Variants in IKZF2 observed in about 807,000 individuals in gnomAD.
IKZF2 encodes the protein zinc finger protein Helios.
Under a neutral mutation model 49.2 loss-of-function variants are expected in IKZF2, and 15 were observed. The observed-to-expected ratio is 0.30, with a 90% CI of 0.20 to 0.47. The LOEUF is 0.47. IKZF2 is among the 20% of genes least tolerant of loss of function. IKZF2 has a pLI of 1.00. For missense variants in IKZF2, 567 were observed against 664.6 expected (o/e 0.85, Z 1.61); for synonymous variants, 227 against 221.4 (o/e 1.03, Z -0.23).
Position 213,000,347 on chromosome 2 carries a change from T to C in IKZF2, c.*7013A>G, listed in dbSNP as rs1339474836. The C allele has an allele frequency of 6.7e-6, 1 of 148,904 alleles. No homozygotes were observed. The highest frequency in any genetic ancestry group is 2.4e-5 in the African/African-American group (1 of 40,820). 9.2% of individuals were successfully genotyped at this position (148,904 alleles called of 1,614,324 possible). A position where few individuals can be genotyped will look rare whatever the true frequency, so the allele number is the denominator to read the frequency against. On this transcript the variant is annotated 3_prime_UTR_variant, in exon 9 of 9. Coordinates refer to ENST00000434687, the MANE Select transcript of IKZF2 (RefSeq NM_001387220.1). ...AAATGAGGTTTACTGGTTTGACCTA[T>C]TTTTTTTTCTTTTTTTGCTTCTAAA...
chr2:213,039,765 C>T (rs1164404684), intron 6 of IKZF2, among the ~76,000 whole-genome samples: 1 of 151,876 alleles, frequency 6.6e-6, no homozygotes, highest in African/African-American at 2.4e-5. Flanking sequence ...AATGCTGGTT[C>T]AATTGAAAGC....
chr2:213,096,146 G>A (rs745911854), intron 4 of IKZF2, among the ~76,000 whole-genome samples: 2 of 151,896 alleles, frequency 1.3e-5, no homozygotes, highest in Non-Finnish European at 2.9e-5. Flanking sequence ...GATCAAGAGA[G>A]CATCATACTC....
At chr2:213,150,578 A>AG (rs1288837008) in intron 1 of IKZF2, among the ~76,000 whole-genome samples, 27 of 151,536 alleles carry the variant, frequency 1.8e-4, no homozygotes, top group Admixed American at 1.7e-3. Flanking sequence ...TTCAGGAAAG[A>AG]GGAAAAAAAA....
intron 4 of IKZF2, among the ~76,000 whole-genome samples, chr2:213,114,377 CA>C (rs2059804956): frequency 6.6e-6 from 1 of 151,998 alleles, no homozygotes; most frequent in Admixed American, 6.6e-5. Context: ...TTAAAAAGAC[CA>C]AGTTTTTTCT....
chr2:213,056,854 C>A lies in IKZF2; in HGVS notation c.385G>T (p.Val129Leu). 1 of 1,613,772 alleles carries A rather than the reference C, an allele frequency of 6.2e-7. No homozygotes were observed. The highest frequency in any genetic ancestry group is 8.5e-7 in the Non-Finnish European group (1 of 1,179,834). ...TTACCAGTGTGACTCCTTTTATGTA[C>A]CATAAGCACATTGGGCCCAATGCAA... is the stretch of plus-strand genomic sequence containing the variant. ...MVCIGPNVLM[V>L]HKRSHTGERP... Residue 129 changes from valine to leucine, a missense_variant, in exon 5 of 9, where the codon GTA becomes TTA. Coordinates refer to ENST00000434687, the MANE Select transcript of IKZF2 (RefSeq NM_001387220.1).
chr2:213,150,086 C>A (rs1028874165), intron 2 of IKZF2, 58 bp downstream of exon 2: 2 of 1,014,424 alleles, frequency 2.0e-6, no homozygotes, highest in Non-Finnish European at 2.7e-6. Context: ...GGTTATTAAC[C>A]CTCAGAGAAG....
intron 6 of IKZF2, among the ~76,000 whole-genome samples, chr2:213,023,433 TG>T (rs1369055712): frequency 6.6e-6 from 1 of 152,224 alleles, no homozygotes; most frequent in Non-Finnish European, 1.5e-5. Context: ...AAGTTATTTA[TG>T]GAGTGATTAT....
At chr2:213,149,568 G>A (rs1387789416) in intron 2 of IKZF2, among the ~76,000 whole-genome samples, 1 of 151,866 alleles carries the variant, frequency 6.6e-6, no homozygotes, top group African/African-American at 2.4e-5. Flanking sequence ...CTTTGGCCTT[G>A]GTCCTTTTTG....
rs140097901 is a variant in IKZF2 at position 213,099,385 on chromosome 2, G to A, written c.140-42286C>T. 3.1e-3 allele frequency among the ~76,000 whole-genome samples: 478 copies of A among 152,132 alleles called. 3 individuals carry two copies. The highest frequency in any genetic ancestry group is 0.011 in the African/African-American group (443 of 41,520). On this transcript the variant is annotated intron_variant, in intron 4 of 8. Coordinates refer to ENST00000434687, the MANE Select transcript of IKZF2 (RefSeq NM_001387220.1). ...ATCTCATCTGCTTTTTTTGAAAAGG[G>A]ATTCTTTCTTATAAGCTGTATCAAG...
In IKZF2 at chr2:213,005,857, T is replaced by C. The variant is rs1695299061; in HGVS notation, c.*1503A>G. 6.6e-6 allele frequency: 1 copy of C among 152,034 alleles called. No homozygotes were observed. Among genetic ancestry groups the C allele is most frequent in the African/African-American group, 2.4e-5 (1 of 41,424 alleles). The allele number at this position is 152,034 out of a possible 1,614,324, so 9.4% of individuals were successfully genotyped here. On this transcript the variant is annotated 3_prime_UTR_variant, in exon 9 of 9. Transcript: ENST00000434687. Reference sequence around the variant, plus strand: ...TCTGCACATGAAATATGGCAACCTATACCATGTAAGGGGAATTCTATACTA... The same window carrying C: ...TCTGCACATGAAATATGGCAACCTACACCATGTAAGGGGAATTCTATACTA...
chr2:213,111,024 C>T (rs931816238), intron 4 of IKZF2, among the ~76,000 whole-genome samples: 5 of 151,834 alleles, frequency 3.3e-5, no homozygotes, highest in African/African-American at 9.7e-5. Context: ...AGAGATTAAC[C>T]GTTTAAGTCA....
rs577693359 is a variant in IKZF2 at position 213,147,291 on chromosome 2, T to C, written c.139+417A>G. On this transcript the variant is annotated intron_variant, in intron 4 of 8. Transcript: ENST00000434687. The stretch of plus-strand genomic sequence containing the variant: ...CACATTTTTTAAAAGCAAGTAACAC[T>C]GTAATTTTATCACTGACGGTTTAGC... 9 of 323,782 alleles carry C rather than the reference T, an allele frequency of 2.8e-5. No individual in the cohort carries two copies. In the Admixed American group the frequency reaches 4.0e-4, roughly 14 times the overall value. The allele number at this position is 323,782 out of a possible 1,614,324, so 20.1% of individuals were successfully genotyped here. A position where few individuals can be genotyped will look rare whatever the true frequency, so the allele number is the denominator to read the frequency against.
rs1376786863 is a variant in IKZF2 at position 213,000,704 on chromosome 2, G to C, written c.*6656C>G. 2 of 151,700 alleles carry C rather than the reference G, an allele frequency of 1.3e-5. No individual in the cohort carries two copies. The highest frequency in any genetic ancestry group is 4.8e-5 in the African/African-American group (2 of 41,288). The allele number at this position is 151,700 out of a possible 1,614,324, so 9.4% of individuals were successfully genotyped here. On this transcript the variant is annotated 3_prime_UTR_variant, in exon 9 of 9. Transcript: ENST00000434687. The stretch of plus-strand genomic sequence containing the variant: ...TTTTTAAAAAAAATTTCTCCAATAG[G>C]TGATATGTAAGTGTTTAAAACTCAG...
chr2:213,142,663 C>G (rs1420667205), intron 4 of IKZF2, among the ~76,000 whole-genome samples: 1 of 151,932 alleles, frequency 6.6e-6, no homozygotes, highest in Admixed American at 6.6e-5. Flanking sequence ...CAAGGTCACA[C>G]AGCAAAGCAG....
chr2:213,086,018 G>C (rs1210198917), intron 4 of IKZF2, among the ~76,000 whole-genome samples: 2 of 152,070 alleles, frequency 1.3e-5, no homozygotes, highest in Non-Finnish European at 2.9e-5. Context: ...AAGAATAATT[G>C]CTAACCCAAA....
Position 213,096,439 on chromosome 2 carries a change from T to C in IKZF2, c.140-39340A>G, listed in dbSNP as rs534569833. ...TAGCATGTTTCTTTTCAAAAAAATT[T>C]GAGATTTTATCTATCGATAAACAGA... On this transcript the variant is annotated intron_variant, in intron 4 of 8. Coordinates refer to ENST00000434687, the MANE Select transcript of IKZF2 (RefSeq NM_001387220.1). 8.6e-5 allele frequency among the ~76,000 whole-genome samples: 13 copies of C among 151,598 alleles called. No homozygotes were observed. In the South Asian group the frequency reaches 1.0e-3, roughly 12 times the overall value.
chr2:213,037,577 G>A lies in IKZF2; in HGVS notation c.574+12136C>T, dbSNP rs557075434. The stretch of plus-strand genomic sequence containing the variant: ...TTACCTTCTAGGTAAATTTCAATGA[G>A]TAGGACCTCAAGTGTGTGTTTTAAG... On this transcript the variant is annotated intron_variant, in intron 6 of 8. Transcript: ENST00000434687. 3.9e-5 allele frequency among the ~76,000 whole-genome samples: 6 copies of A among 152,314 alleles called. No individual in the cohort carries two copies. In the East Asian group the frequency reaches 1.2e-3, roughly 29 times the overall value.
In IKZF2 at chr2:213,002,511, A is replaced by G. The variant is rs945806951; in HGVS notation, c.*4849T>C. On this transcript the variant is annotated 3_prime_UTR_variant, in exon 9 of 9. Coordinates refer to ENST00000434687, the MANE Select transcript of IKZF2 (RefSeq NM_001387220.1). ...CACTATGATAAAAAGAAACACTAGC[A>G]TATCACAGCTTCTTGGTCATATGCC... 5 of 151,692 alleles carry G rather than the reference A, an allele frequency of 3.3e-5. No individual in the cohort carries two copies. The highest frequency in any genetic ancestry group is 1.2e-4 in the African/African-American group (5 of 41,418). The allele number at this position is 151,692 out of a possible 1,614,324, so 9.4% of individuals were successfully genotyped here. A position where few individuals can be genotyped will look rare whatever the true frequency, so the allele number is the denominator to read the frequency against.
At chr2:213,128,903 C>T (rs962152925) in intron 4 of IKZF2, among the ~76,000 whole-genome samples, 3 of 148,352 alleles carry the variant, frequency 2.0e-5, no homozygotes, top group Admixed American at 7.0e-5. Flanking sequence ...CCACCCGTCT[C>T]GGCCTCCCAA....
Sources: allele counts gnomAD v4.1 joint callset (sites outside exome capture counted in the v4.1 genomes callset), GRCh38; gene constraint gnomAD v4.1.1; transcripts MANE v1.5; gene names NCBI Gene and HGNC (gene_info 2026-07-23, HGNC 2026-07-21).